ANTXRL: variants seen among roughly 807,000 people sequenced by gnomAD.
The protein encoded by ANTXRL is ANTXR like.
Under a neutral mutation model 75.4 loss-of-function variants are expected in ANTXRL, and 63 were observed. That is an observed-to-expected ratio of 0.84 (90% confidence interval 0.68 to 1.03). The LOEUF (loss-of-function observed/expected upper bound fraction) is 1.03, where lower values mean the gene tolerates loss of function less well. ANTXRL is among the 50% of genes least tolerant of loss of function. The pLI is 0.00. For missense variants in ANTXRL, 797 were observed against 789.4 expected, an observed-to-expected ratio of 1.01 and a Z score of -0.12; for synonymous variants, 335 against 291.3, an observed-to-expected ratio of 1.15 and a Z score of -1.53.
At chr10:46,313,077 C>G (rs1173491099) in intron 15 of ANTXRL, among the ~76,000 whole-genome samples, 159 bp from the exon 16 acceptor site, 6 of 152,148 alleles carry the variant, frequency 3.9e-5, no homozygotes, top group Non-Finnish European at 7.4e-5. Flanking sequence ...GACCATGTCC[C>G]CAGCACACAA....
intron 16 of ANTXRL, among the ~76,000 whole-genome samples, chr10:46,328,818 G>T (rs1270436194): frequency 2.6e-5 from 4 of 152,066 alleles, no homozygotes; most frequent in Non-Finnish European, 5.9e-5. Context: ...GCCCATTTAA[G>T]AGATGGGAAA....
chr10:46,309,921 C>T (rs1838323320), intron 13 of ANTXRL, among the ~76,000 whole-genome samples: 1 of 152,108 alleles, frequency 6.6e-6, no homozygotes, highest in Non-Finnish European at 1.5e-5. Flanking sequence ...GGAAGGGGTG[C>T]TGGGAGCTGG....
At chr10:46,290,445 C>A (rs2132638609) in intron 1 of ANTXRL, among the ~76,000 whole-genome samples, 1 of 152,270 alleles carries the variant, frequency 6.6e-6, no homozygotes, top group Middle Eastern at 3.4e-3. Flanking sequence ...CTCTTGGAGT[C>A]CCTACTCTCA....
upstream of ANTXRL, among the ~76,000 whole-genome samples, chr10:46,286,151 G>A (rs782361641): frequency 3.9e-5 from 6 of 152,110 alleles, no homozygotes; most frequent in South Asian, 2.1e-4. Flanking sequence ...CCCTAGAGAG[G>A]GGGCCTGTGT....
intron 9 of ANTXRL, among the ~76,000 whole-genome samples, chr10:46,301,145 C>A (rs77330139): frequency 2.0e-5 from 3 of 152,268 alleles, no homozygotes; most frequent in East Asian, 3.8e-4. Context: ...TTGGGCTGAC[C>A]AAGGGGCGCA....
chr10:46,308,637 C>T, intron 12 of ANTXRL: 1 of 350,242 alleles, frequency 2.9e-6, no homozygotes, highest in South Asian at 2.2e-5. Context: ...CAAGTGCCCC[C>T]AGGGAGGGCG....
intron 1 of ANTXRL, among the ~76,000 whole-genome samples, chr10:46,288,872 G>A (rs561120144): frequency 6.6e-6 from 1 of 152,234 alleles, no homozygotes; most frequent in South Asian, 2.1e-4. Flanking sequence ...GGATGTAAAG[G>A]GAGCAGACAA....
intron 16 of ANTXRL, among the ~76,000 whole-genome samples, chr10:46,320,282 A>G (rs369469452): frequency 2.0e-5 from 3 of 152,304 alleles, no homozygotes; most frequent in African/African-American, 7.2e-5. Context: ...TTTAGAGCTA[A>G]TCATTAAATT....
At chr10:46,329,126 C>T (rs782017552) in intron 16 of ANTXRL, among the ~76,000 whole-genome samples, 8 of 152,142 alleles carry the variant, frequency 5.3e-5, no homozygotes, top group African/African-American at 7.2e-5. Context: ...GCTCTTCCTA[C>T]GGGTCTGGAT....
At chr10:46,312,393 C>T (rs1357609719) in intron 15 of ANTXRL, among the ~76,000 whole-genome samples, 1 of 146,974 alleles carries the variant, frequency 6.8e-6, no homozygotes, top group Non-Finnish European at 1.5e-5. Context: ...CCCTGCCAGA[C>T]AGCAGCAGGG....
At chr10:46,297,535 C>T (rs1401187221) in intron 7 of ANTXRL, 61 bp downstream of exon 7, 47 of 1,495,052 alleles carry the variant, frequency 3.1e-5, no homozygotes, top group African/African-American at 6.9e-5. Context: ...TCGAGCCAAC[C>T]GTCCCGGGCC....
At chr10:46,297,088 G>T (rs1554958976) in intron 5 of ANTXRL, among the ~76,000 whole-genome samples, 164 bp from the exon 6 acceptor site, 1 of 152,172 alleles carries the variant, frequency 6.6e-6, no homozygotes. Context: ...GGTGGCAGGT[G>T]CTTGGGTCTT....
At chr10:46,318,758 TA>T (rs1286087493) in intron 16 of ANTXRL, among the ~76,000 whole-genome samples, 3 of 152,112 alleles carry the variant, frequency 2.0e-5, no homozygotes, top group Admixed American at 6.6e-5. Context: ...AAGGATTGTT[TA>T]ACATATGTCA....
intron 14 of ANTXRL, among the ~76,000 whole-genome samples, chr10:46,310,930 G>T (rs1554963327): frequency 1.3e-5 from 2 of 152,110 alleles, no homozygotes; most frequent in African/African-American, 4.8e-5. Flanking sequence ...CAGGGACGAG[G>T]GGCTGGCTGG....
chr10:46,310,416 G>C, intron 13 of ANTXRL, 45 bp from the exon 14 acceptor site: 2 of 1,530,608 alleles, frequency 1.3e-6, no homozygotes, highest in East Asian at 2.4e-5. Flanking sequence ...GGCAGAGCCC[G>C]CCCACCCCCA....
upstream of ANTXRL, chr10:46,286,491 C>T (rs1288035956): frequency 6.6e-5 from 10 of 151,984 alleles, no homozygotes; most frequent in African/African-American, 2.4e-4. Context: ...CCCAATCCTT[C>T]AAGTTATGGG....
intron 1 of ANTXRL, among the ~76,000 whole-genome samples, chr10:46,290,898 C>T (rs1554956272): frequency 6.6e-6 from 1 of 152,092 alleles, no homozygotes; most frequent in African/African-American, 2.4e-5. Flanking sequence ...TGTCTTTTCA[C>T]TCCTTTGGTA....
At chr10:46,291,526 G>A (rs782518718) in intron 1 of ANTXRL, among the ~76,000 whole-genome samples, 2 of 151,654 alleles carry the variant, frequency 1.3e-5, no homozygotes, top group African/African-American at 2.4e-5. Context: ...TATTATTATT[G>A]TGCCTTCTGA....
intron 1 of ANTXRL, among the ~76,000 whole-genome samples, chr10:46,291,643 C>G (rs1836988862): frequency 6.6e-6 from 1 of 152,008 alleles, no homozygotes; most frequent in Admixed American, 6.5e-5. Context: ...TAAATTTATT[C>G]TTAAGTATTT....
Sources: allele counts gnomAD v4.1 joint callset (sites outside exome capture counted in the v4.1 genomes callset), GRCh38; gene constraint gnomAD v4.1.1; transcripts MANE v1.5; gene names NCBI Gene and HGNC (gene_info 2026-07-23, HGNC 2026-07-21).